Variants in CTTNBP2NL observed in about 807,000 individuals in gnomAD.
CTTNBP2NL encodes the protein CTTNBP2 N-terminal-like protein.
CTTNBP2NL carries 16 observed loss-of-function variants against 32.5 expected under a neutral mutation model. That is an observed-to-expected ratio of 0.49 (90% CI 0.33 to 0.75). CTTNBP2NL has a LOEUF of 0.75. Among genes scored for constraint, CTTNBP2NL ranks in the 30% least tolerant of loss-of-function variants. CTTNBP2NL has a pLI of 0.02. For synonymous variants in CTTNBP2NL, 298 were observed against 289.4 expected (o/e 1.03, Z -0.30); for missense variants, 645 against 756.0 (o/e 0.85, Z 1.72).
Position 112,396,276 on chromosome 1 carries a change from G to A in CTTNBP2NL, c.-134+4G>A, listed in dbSNP as rs2100985922. ...GAGCCCGGAGCGTCGTGGAAAGGTAGGAGCAACTATCCCTGGGGCTTGGTG... is the reference window on the plus strand; with the variant it reads ...GAGCCCGGAGCGTCGTGGAAAGGTAAGAGCAACTATCCCTGGGGCTTGGTG... On this transcript the variant is annotated splice_donor_region_variant and intron_variant, in intron 1 of 5. Transcript: ENST00000271277. 6.6e-6 allele frequency: 1 copy of A among 152,440 alleles called. No individual in the cohort carries two copies. Among genetic ancestry groups the A allele is most frequent in the East Asian group, 1.9e-4 (1 of 5,166 alleles). 9.4% of individuals were successfully genotyped at this position (152,440 alleles called of 1,614,324 possible).
At chr1:112,442,096 A>C (rs540523717) in intron 3 of CTTNBP2NL, among the ~76,000 whole-genome samples, 60 of 152,254 alleles carry the variant, frequency 3.9e-4, no homozygotes, top group African/African-American at 1.4e-3. Context: ...GTGAACCCAA[A>C]AGTGCTCTAA....
chr1:112,452,645 C>CTTTTTTTT (rs34842059), intron 4 of CTTNBP2NL, among the ~76,000 whole-genome samples: 4 of 133,098 alleles, frequency 3.0e-5, no homozygotes, highest in African/African-American at 1.2e-4. Context: ...CTCCTGGCCT[C>CTTTTTTTT]TTTTTTTTTT....
chr1:112,439,991 G>A (rs935325104), intron 3 of CTTNBP2NL, among the ~76,000 whole-genome samples: 1 of 152,178 alleles, frequency 6.6e-6, no homozygotes, highest in African/African-American at 2.4e-5. Context: ...CATTGCTGAT[G>A]TTAGGCCTTA....
At chr1:112,407,648 G>A (rs1438591960) in intron 1 of CTTNBP2NL, among the ~76,000 whole-genome samples, 1 of 152,084 alleles carries the variant, frequency 6.6e-6, no homozygotes, top group African/African-American at 2.4e-5. Context: ...AAGTCAGCCT[G>A]TGTTATGTGT....
chr1:112,435,091 C>T (rs573566611), intron 3 of CTTNBP2NL, among the ~76,000 whole-genome samples: 3 of 135,970 alleles, frequency 2.2e-5, no homozygotes, highest in Non-Finnish European at 4.5e-5. Flanking sequence ...TGTAGCAAGC[C>T]GAGATCACAC....
At chr1:112,411,624 G>A (rs1334065571) in intron 1 of CTTNBP2NL, among the ~76,000 whole-genome samples, 1 of 152,052 alleles carries the variant, frequency 6.6e-6, no homozygotes, top group East Asian at 1.9e-4. Flanking sequence ...GTTGGGAGGT[G>A]AGGAGATGAG....
chr1:112,439,116 G>C (rs916624356), intron 3 of CTTNBP2NL, among the ~76,000 whole-genome samples: 2 of 152,074 alleles, frequency 1.3e-5, no homozygotes, highest in Admixed American at 6.6e-5. Context: ...ATGTTACTTA[G>C]ATATTCTATT....
intron 3 of CTTNBP2NL, among the ~76,000 whole-genome samples, chr1:112,428,531 A>G (rs987970449): frequency 2.6e-5 from 4 of 152,206 alleles, no homozygotes; most frequent in African/African-American, 9.6e-5. Flanking sequence ...TCCAGTAAAA[A>G]GATTGCAGAG....
At position 112,408,082 on chromosome 1, in the gene CTTNBP2NL, G is replaced by A. The variant is rs1190441708; in HGVS notation, c.-133-4112G>A. ...GGCTGGTCTCAAACTTCTGAGCTCA[G>A]GTGATTTGCCGGCCTCAGCCTCCCA... On this transcript the variant is annotated intron_variant, in intron 1 of 5. Transcript: ENST00000271277. Among the ~76,000 whole-genome samples the A allele has an allele frequency of 3.3e-5, 5 of 151,818 alleles. No individual in the cohort carries two copies. In the East Asian group the frequency reaches 9.7e-4, roughly 29 times the overall value.
At chr1:112,413,207 C>G (rs1305854569) in intron 2 of CTTNBP2NL, among the ~76,000 whole-genome samples, 1 of 151,918 alleles carries the variant, frequency 6.6e-6, no homozygotes, top group Non-Finnish European at 1.5e-5. Context: ...GTATATGTAC[C>G]TCTTATTTTT....
At chr1:112,422,919 A>G (rs1461400021) in intron 3 of CTTNBP2NL, among the ~76,000 whole-genome samples, 2 of 152,110 alleles carry the variant, frequency 1.3e-5, no homozygotes, top group Admixed American at 6.5e-5. Flanking sequence ...CAGCCTCCCC[A>G]GTAGCTGGAA....
At chr1:112,410,090 G>A (rs1648807574) in intron 1 of CTTNBP2NL, among the ~76,000 whole-genome samples, 1 of 152,148 alleles carries the variant, frequency 6.6e-6, no homozygotes, top group African/African-American at 2.4e-5. Flanking sequence ...ATCACTTATT[G>A]ATAACATAAA....
chr1:112,442,323 A>G (rs911856953), intron 3 of CTTNBP2NL, among the ~76,000 whole-genome samples: 3 of 152,212 alleles, frequency 2.0e-5, no homozygotes, highest in Non-Finnish European at 2.9e-5. Context: ...GAGTTTCACC[A>G]TGTTGGCCAG....
chr1:112,394,218 A>G (rs1001673272), upstream of CTTNBP2NL, among the ~76,000 whole-genome samples: 58 of 151,912 alleles, frequency 3.8e-4, no homozygotes, highest in Non-Finnish European at 7.1e-4. Context: ...AAAAAAAAAA[A>G]AAAAAGAAAA....
Position 112,419,834 on chromosome 1 carries a change from C to G in CTTNBP2NL, c.99+3570C>G, listed in dbSNP as rs140012588. Among the ~76,000 whole-genome samples, 264 of 152,286 alleles carry G rather than the reference C, an allele frequency of 1.7e-3. 1 individual carries two copies. The highest frequency in any genetic ancestry group is 5.1e-3 in the African/African-American group (214 of 41,560). On this transcript the variant is annotated intron_variant, in intron 3 of 5. Coordinates refer to ENST00000271277, the MANE Select transcript of CTTNBP2NL (RefSeq NM_018704.3). ...TTCTCTGGCACCCATAAGCCTGGAC[C>G]TAACAGTTCTTTGGCCAAAAATGAT...
At chr1:112,393,607 A>G (rs1203560620), upstream of CTTNBP2NL, among the ~76,000 whole-genome samples, 1 of 152,170 alleles carries the variant, frequency 6.6e-6, no homozygotes. Context: ...TAACTCTCTC[A>G]CTGCTACAAT....
rs943075394 is a variant in CTTNBP2NL, at chr1:112,415,777, G to A, written c.-9-380G>A. 45 of 223,846 alleles carry A rather than the reference G, an allele frequency of 2.0e-4. 1 individual carries two copies. The Admixed American group carries it at 2.1e-3, about 11-fold the overall frequency. 13.9% of individuals were successfully genotyped at this position (223,846 alleles called of 1,614,324 possible). ...TTACCATGTTGGCCGGGATGGTCTCGATCTCCTGACTTCGTGGTCCGCCCA... is the reference window on the plus strand; with the variant it reads ...TTACCATGTTGGCCGGGATGGTCTCAATCTCCTGACTTCGTGGTCCGCCCA... On this transcript the variant is annotated intron_variant, in intron 2 of 5. Transcript: ENST00000271277.
chr1:112,448,922 T>A lies in CTTNBP2NL; in HGVS notation c.100-20T>A, dbSNP rs1039151981. The A allele has an allele frequency of 2.8e-6, 4 of 1,418,216 alleles. No homozygotes were observed. Among genetic ancestry groups the A allele is most frequent in the Non-Finnish European group, 3.0e-6 (3 of 1,006,152 alleles). 87.9% of individuals were successfully genotyped at this position (1,418,216 alleles called of 1,614,324 possible). A position where few individuals can be genotyped will look rare whatever the true frequency, so the allele number is the denominator to read the frequency against. ...GTAGTTTTAAAAAGCAAGATGCTTA[T>A]TTTTTTTCCTCTTTCCCAGGCCCAA... On this transcript the variant is annotated intron_variant, in intron 3 of 5. Transcript: ENST00000271277.
Position 112,456,981 on chromosome 1 carries a change from G to C in CTTNBP2NL, c.1489G>C (p.Ala497Pro), listed in dbSNP as rs760872761. The change falls in exon 6 of 6, where the codon GCC becomes CCC. Residue 497 changes from alanine to proline, a missense_variant. Transcript: ENST00000271277. ...LSPTLIDNSA[A>P]KQLARNTVTQ... ...CCCCACCCTCATAGACAACTCTGCC[G>C]CCAAGCAGCTGGCCCGAAACACAGT... 1.9e-6 allele frequency: 3 copies of C among 1,613,970 alleles called. No homozygotes were observed. The highest frequency in any genetic ancestry group is 8.5e-7 in the Non-Finnish European group (1 of 1,180,002).
Sources: allele counts gnomAD v4.1 joint callset (sites outside exome capture counted in the v4.1 genomes callset), GRCh38; gene constraint gnomAD v4.1.1; transcripts MANE v1.5; gene names NCBI Gene and HGNC (gene_info 2026-07-23, HGNC 2026-07-21).